Variants in ARSK observed in about 807,000 individuals in gnomAD.
ARSK encodes the protein arylsulfatase K.
A neutral mutation model predicts 53.2 loss-of-function variants in ARSK; 37 were observed. The observed-to-expected ratio is 0.70, with a 90% CI of 0.54 to 0.92. The LOEUF (loss-of-function observed/expected upper bound fraction) is 0.92, where lower values mean the gene tolerates loss of function less well. Ranked by LOEUF, ARSK falls within the 40% of genes least tolerant of loss-of-function variation. The pLI is 0.00. For synonymous variants in ARSK, 208 were observed against 223.2 expected, an observed-to-expected ratio of 0.93 and a Z score of 0.61; for missense variants, 613 against 643.0, an observed-to-expected ratio of 0.95 and a Z score of 0.51.
At chr5:95,582,847 T>C (rs1749039755) in intron 3 of ARSK, 69 bp from the exon 4 acceptor site, 3 of 1,409,148 alleles carry the variant, frequency 2.1e-6, no homozygotes, top group African/African-American at 1.4e-5. Flanking sequence ...GTTTTCTTAG[T>C]GTATGCTTAG....
Position 95,555,430 on chromosome 5 carries a change from G to A in ARSK, c.126+26G>A. 8 of 1,582,970 alleles carry A rather than the reference G, an allele frequency of 5.1e-6. No individual in the cohort carries two copies. The highest frequency in any genetic ancestry group is 6.9e-6 in the Non-Finnish European group (8 of 1,162,186). On this transcript the variant is annotated intron_variant, in intron 1 of 7. Transcript: ENST00000380009. The surrounding 1 kb of genome is among the most constrained non-coding windows in gnomAD (Gnocchi z 4.0). ...GTAAGTACCGCGAGGCAGGGGAGGGGCGCCCCGCTGGGGATCGGCGACCTC... is the reference window on the plus strand; with the variant it reads ...GTAAGTACCGCGAGGCAGGGGAGGGACGCCCCGCTGGGGATCGGCGACCTC...
Position 95,569,442 on chromosome 5 carries a change from G to A in ARSK, c.416+1393G>A, listed in dbSNP as rs567439047. On this transcript the variant is annotated intron_variant, in intron 3 of 7. Transcript: ENST00000380009. ...CTTATTTGCAGATGTAATTAGTAAG[G>A]ATCTCCAGATGAAATCATGACTGCT... Among the ~76,000 whole-genome samples, 78 of 152,092 alleles carry A rather than the reference G, an allele frequency of 5.1e-4. 1 individual carries two copies. Among genetic ancestry groups the A allele is most frequent in the Admixed American group, 2.5e-3 (38 of 15,278 alleles).
rs761190693 is a variant in ARSK, at chr5:95,591,548, T to C, written c.1019T>C (p.Met340Thr). ...GCTAGTGCACATGTTCCGCTTTTGA[T>C]GATGGGACCAGGAATTAAAGCCGGC... The part of the protein sequence containing the change: ...YEASAHVPLL[M>T]MGPGIKAGLQ... The change falls in exon 6 of 8, where the codon ATG (methionine) becomes ACG (threonine). Residue 340 changes from methionine to threonine, a missense_variant. By Grantham distance (81) the Met-to-Thr change is moderately conservative. Transcript: ENST00000380009. The C allele has an allele frequency of 8.7e-6, 14 of 1,614,080 alleles. No individual in the cohort carries two copies. Among genetic ancestry groups the C allele is most frequent in the Non-Finnish European group, 1.2e-5 (14 of 1,180,036 alleles).
Position 95,586,534 on chromosome 5 carries a change from A to G in ARSK, c.700-28A>G, listed in dbSNP as rs373978604. 1.5e-5 allele frequency: 24 copies of G among 1,580,146 alleles called. No individual in the cohort carries two copies. The African/African-American group carries it at 2.3e-4, about 15-fold the overall frequency. On this transcript the variant is annotated intron_variant, in intron 4 of 7. Transcript: ENST00000380009. ...AAAGAAATAGCACTATTTTGCTAGC[A>G]TAACTAAGTTTTTTCTCCCCTTTTT... is the stretch of plus-strand genomic sequence containing the variant.
Position 95,591,596 on chromosome 5 carries a change from C to A in ARSK, c.1067C>A (p.Ser356Tyr). The change falls in exon 6 of 8, where the codon TCT (serine) becomes TAT (tyrosine). Residue 356 changes from serine to tyrosine, a missense_variant. Transcript: ENST00000380009. ...KAGLQVSNVVSLVDIYPTMLD... is the reference protein window; with the variant it reads ...KAGLQVSNVVYLVDIYPTMLD... ...GGCCTACAAGTATCAAATGTGGTTT[C>A]TCTTGTGGATATTTACCCTACCATG... is the stretch of plus-strand genomic sequence containing the variant. 1.2e-6 allele frequency: 2 copies of A among 1,614,098 alleles called. No homozygotes were observed. Among genetic ancestry groups the A allele is most frequent in the Non-Finnish European group, 1.7e-6 (2 of 1,179,992 alleles).
At chr5:95,587,774 C>T (rs1043849134) in intron 5 of ARSK, among the ~76,000 whole-genome samples, 2 of 152,000 alleles carry the variant, frequency 1.3e-5, no homozygotes, top group African/African-American at 4.8e-5. Flanking sequence ...GGTGTGGTGG[C>T]ACGCACGTGT....
At chr5:95,557,621 T>C (rs1263387221) in intron 1 of ARSK, among the ~76,000 whole-genome samples, 1 of 152,238 alleles carries the variant, frequency 6.6e-6, no homozygotes, top group African/African-American at 2.4e-5. Flanking sequence ...TCTTTAAACT[T>C]AAAATAATTC....
At chr5:95,585,624 G>A (rs1411481995) in intron 4 of ARSK, among the ~76,000 whole-genome samples, 3 of 152,176 alleles carry the variant, frequency 2.0e-5, no homozygotes, top group African/African-American at 4.8e-5. Context: ...AGGATGCAGA[G>A]GCATAAGAAT....
chr5:95,596,603 A>AT (rs1749312233), intron 6 of ARSK, among the ~76,000 whole-genome samples: 1 of 151,964 alleles, frequency 6.6e-6, no homozygotes. Context: ...TGTATCAAAA[A>AT]ATATATATAT....
chr5:95,591,769 C>G, intron 6 of ARSK, 144 bp downstream of exon 6: 1 of 706,688 alleles, frequency 1.4e-6, no homozygotes. Flanking sequence ...AACTGTGAGT[C>G]AAATCTGTAC....
chr5:95,557,032 TAAAAAA>T (rs1235631825), intron 1 of ARSK: 2 of 151,402 alleles, frequency 1.3e-5, no homozygotes, highest in African/African-American at 2.4e-5. Flanking sequence ...AAAATAAAAA[TAAAAAA>T]ATTTTTAAAA....
At position 95,595,948 on chromosome 5, in the gene ARSK, T is replaced by C. The variant is rs191187980; in HGVS notation, c.1096+4323T>C. Among the ~76,000 whole-genome samples the C allele has an allele frequency of 8.1e-4, 123 of 152,334 alleles. 1 individual carries two copies. Among genetic ancestry groups the C allele is most frequent in the African/African-American group, 2.6e-3 (110 of 41,582 alleles). ...AATTGATGTTTTTGTTTTGTTTTGTTTCCTTTTTAGATACTGTGTCCATCT... is the reference window on the plus strand; with the variant it reads ...AATTGATGTTTTTGTTTTGTTTTGTCTCCTTTTTAGATACTGTGTCCATCT... On this transcript the variant is annotated intron_variant, in intron 6 of 7. Coordinates refer to ENST00000380009, the MANE Select transcript of ARSK (RefSeq NM_198150.3).
chr5:95,591,298 C>A, intron 5 of ARSK, 103 bp from the exon 6 acceptor site: 1 of 938,964 alleles, frequency 1.1e-6, no homozygotes, highest in Non-Finnish European at 1.6e-6. Context: ...TGTTAAGAAG[C>A]ATAGTGACAA....
In ARSK at chr5:95,604,365, G is replaced by A. The variant is rs1365762397; in HGVS notation, c.*839G>A. On this transcript the variant is annotated 3_prime_UTR_variant, in exon 8 of 8. Coordinates refer to ENST00000380009, the MANE Select transcript of ARSK (RefSeq NM_198150.3). The stretch of plus-strand genomic sequence containing the variant: ...GGTTAACAGTGATCGTGAAGTCTCT[G>A]TCCTTTCCCTCTTCCCTGCCATCCA... 6.6e-6 allele frequency: 1 copy of A among 152,170 alleles called. No individual in the cohort carries two copies. Among genetic ancestry groups the A allele is most frequent in the African/African-American group, 2.4e-5 (1 of 41,440 alleles). 9.4% of individuals were successfully genotyped at this position (152,170 alleles called of 1,614,324 possible). A position where few individuals can be genotyped will look rare whatever the true frequency, so the allele number is the denominator to read the frequency against.
At chr5:95,591,032 T>A (rs758470567) in intron 5 of ARSK, among the ~76,000 whole-genome samples, 63 of 152,210 alleles carry the variant, frequency 4.1e-4, no homozygotes, top group Admixed American at 1.3e-4. Flanking sequence ...AATCTTTTTA[T>A]CATCTGAGAC....
intron 3 of ARSK, among the ~76,000 whole-genome samples, chr5:95,568,283 G>C (rs945376220): frequency 1.3e-5 from 2 of 152,112 alleles, no homozygotes; most frequent in Admixed American, 6.5e-5. Flanking sequence ...TATAAATAGT[G>C]TTTGTAAACT....
Position 95,556,466 on chromosome 5 carries a change from T to C in ARSK, c.126+1062T>C, listed in dbSNP as rs143593315. ...ATGGTGCTTCAGAGCTGCTTTCCAA[T>C]AGGAGTGAGGAGAACAGACCTTTCC... On this transcript the variant is annotated intron_variant, in intron 1 of 7. Transcript: ENST00000380009. 318 of 518,462 alleles carry C rather than the reference T, an allele frequency of 6.1e-4. 3 individuals carry two copies. The highest frequency in any genetic ancestry group is 5.7e-3 in the African/African-American group (296 of 52,266). The allele number at this position is 518,462 out of a possible 1,614,324, so 32.1% of individuals were successfully genotyped here.
rs1277210649 is a variant in ARSK at position 95,591,501 on chromosome 5, T to A, written c.972T>A (p.Phe324Leu). 1 of 1,614,160 alleles carries A rather than the reference T, an allele frequency of 6.2e-7. No individual in the cohort carries two copies. The highest frequency in any genetic ancestry group is 2.2e-5 in the East Asian group (1 of 44,874). The change falls in exon 6 of 8, where the codon TTT becomes TTA. Residue 324 changes from phenylalanine (F) to leucine (L), a missense_variant. By Grantham distance (22) the Phe-to-Leu change is conservative. Coordinates refer to ENST00000380009, the MANE Select transcript of ARSK (RefSeq NM_198150.3). Reference protein sequence around the residue: ...HGELAMEHRQFYKMSMYEASA... With the variant: ...HGELAMEHRQLYKMSMYEASA... Reference sequence around the variant, plus strand: ...AGCTGGCCATGGAACATCGACAGTTTTATAAAATGAGCATGTACGAGGCTA... The same window carrying A: ...AGCTGGCCATGGAACATCGACAGTTATATAAAATGAGCATGTACGAGGCTA...
At chr5:95,572,686 G>A (rs1475698228) in intron 3 of ARSK, among the ~76,000 whole-genome samples, 2 of 152,156 alleles carry the variant, frequency 1.3e-5, no homozygotes, top group African/African-American at 4.8e-5. Flanking sequence ...GCTGAGGCAG[G>A]AGAATGGCGT....
Sources: allele counts gnomAD v4.1 joint callset (sites outside exome capture counted in the v4.1 genomes callset), GRCh38; gene constraint gnomAD v4.1.1; non-coding constraint Gnocchi (gnomAD v3.1); transcripts MANE v1.5; gene names NCBI Gene and HGNC (gene_info 2026-07-23, HGNC 2026-07-21).